TTC7A: variants seen among roughly 807,000 people sequenced by gnomAD.
TTC7A encodes tetratricopeptide repeat domain 7A.
A neutral mutation model predicts 103.7 loss-of-function variants in TTC7A; 110 were observed. The ratio of observed to expected loss-of-function variants is 1.06; its 90% CI spans 0.91 to 1.24. TTC7A has a LOEUF of 1.24. Ranked by LOEUF, TTC7A falls within the 50% of genes most tolerant of loss-of-function variation. The probability of loss-of-function intolerance (pLI) is 0.00; values close to 1 mark genes in which losing one functional copy is unlikely to be tolerated. For synonymous variants in TTC7A, 521 were observed against 467.9 expected (o/e 1.11, Z -1.47); for missense variants, 1,340 against 1,116.3 (o/e 1.20, Z -2.86).
chr2:47,074,239 T>G lies in TTC7A; in HGVS notation c.*316T>G. ...TGTCCTTCACCCTCACCCATGCCTC[T>G]GGCTTGGAGTCTGGGTGGGGGGTTC... On this transcript the variant is annotated 3_prime_UTR_variant, in exon 20 of 20. Transcript: ENST00000319190. 1 of 411,688 alleles carries G rather than the reference T, an allele frequency of 2.4e-6. No homozygotes were observed. The allele number at this position is 411,688 out of a possible 1,614,324, so 25.5% of individuals were successfully genotyped here.
intron 5 of TTC7A, among the ~76,000 whole-genome samples, chr2:46,988,869 T>C (rs928845355): frequency 6.6e-6 from 1 of 152,204 alleles, no homozygotes; most frequent in African/African-American, 2.4e-5. Flanking sequence ...CTCTCCCTTT[T>C]GGTAAGTGAC....
chr2:47,030,071 G>A (rs1184477976), intron 15 of TTC7A, among the ~76,000 whole-genome samples: 1 of 152,228 alleles, frequency 6.6e-6, no homozygotes, highest in African/African-American at 2.4e-5. Flanking sequence ...AAGGGCAGGT[G>A]ACACTGAGTG....
intron 5 of TTC7A, among the ~76,000 whole-genome samples, chr2:46,992,559 G>A (rs1675740780): frequency 6.6e-6 from 1 of 152,236 alleles, no homozygotes; most frequent in Admixed American, 6.5e-5. Context: ...GTGAGGGGCA[G>A]GCCCCACAGC....
intron 2 of TTC7A, among the ~76,000 whole-genome samples, chr2:46,927,897 T>G (rs913579176): frequency 7.6e-6 from 1 of 131,286 alleles, no homozygotes; most frequent in African/African-American, 2.9e-5. Context: ...TTTTTTTTTT[T>G]TTTTTTTTTT....
intron 1 of TTC7A, among the ~76,000 whole-genome samples, chr2:46,949,535 C>A (rs1205697335): frequency 1.3e-5 from 2 of 152,138 alleles, no homozygotes; most frequent in Non-Finnish European, 2.9e-5. Flanking sequence ...GCTCACTAAA[C>A]CAAGCAGTAT....
At chr2:46,985,036 T>G (rs1018884453) in intron 5 of TTC7A, among the ~76,000 whole-genome samples, 4 of 152,152 alleles carry the variant, frequency 2.6e-5, no homozygotes, top group Admixed American at 2.6e-4. Flanking sequence ...TAGAGCCTGC[T>G]TCCCCCTGTC....
chr2:47,023,584 G>A (rs1679530453), intron 13 of TTC7A, 119 bp downstream of exon 13: 2 of 1,110,862 alleles, frequency 1.8e-6, no homozygotes, highest in South Asian at 2.7e-5. Flanking sequence ...CCATTTTACA[G>A]ATGAGGGAAC....
rs1677561496 is a variant in TTC7A at position 47,007,643 on chromosome 2, C to T, written c.1287+919C>T. 6.6e-6 allele frequency among the ~76,000 whole-genome samples: 1 copy of T among 152,162 alleles called. No homozygotes were observed. Among genetic ancestry groups the T allele is most frequent in the South Asian group, 2.1e-4 (1 of 4,832 alleles). On this transcript the variant is annotated intron_variant, in intron 10 of 19. Coordinates refer to ENST00000319190, the MANE Select transcript of TTC7A (RefSeq NM_020458.4). The surrounding 1 kb of genome is among the most constrained non-coding windows in gnomAD (Gnocchi z 4.9). ...CCTCCACGCATCAAGGGCGTGCCAG[C>T]CAGCTCGGGGCCTCGGCAGCCGAGG...
Position 47,034,885 on chromosome 2 carries a change from G to A in TTC7A, c.1802+5501G>A, listed in dbSNP as rs116745604. 5.0e-3 allele frequency among the ~76,000 whole-genome samples: 761 copies of A among 152,266 alleles called. 4 individuals are homozygous for A. Among genetic ancestry groups the A allele is most frequent in the Non-Finnish European group, 8.1e-3 (552 of 68,014 alleles). Reference sequence around the variant, plus strand: ...CCTCCCCAGTACAGGAATAATATGGGCTTCCCGACAAGCCAGAGCACGTGC... The same window carrying A: ...CCTCCCCAGTACAGGAATAATATGGACTTCCCGACAAGCCAGAGCACGTGC... On this transcript the variant is annotated intron_variant, in intron 15 of 19. Coordinates refer to ENST00000319190, the MANE Select transcript of TTC7A (RefSeq NM_020458.4).
intron 15 of TTC7A, among the ~76,000 whole-genome samples, chr2:47,045,752 G>A (rs1323303831): frequency 6.6e-6 from 1 of 152,214 alleles, no homozygotes; most frequent in African/African-American, 2.4e-5. Context: ...CACTTAGGAG[G>A]CGTTGCTTGG....
chr2:47,055,637 T>G (rs1288271945), intron 18 of TTC7A, among the ~76,000 whole-genome samples: 5 of 152,138 alleles, frequency 3.3e-5, no homozygotes, highest in Non-Finnish European at 7.4e-5. Flanking sequence ...AGGAGACGCA[T>G]GTAGGGAGAG....
intron 2 of TTC7A, among the ~76,000 whole-genome samples, chr2:46,922,412 A>T (rs1278954240): frequency 2.0e-5 from 3 of 152,094 alleles, no homozygotes; most frequent in Non-Finnish European, 4.4e-5. Context: ...GTTTGCTTCT[A>T]TCTGCCTGCT....
At chr2:46,963,249 T>G (rs1203884686) in intron 3 of TTC7A, among the ~76,000 whole-genome samples, 1 of 152,240 alleles carries the variant, frequency 6.6e-6, no homozygotes, top group East Asian at 1.9e-4. Flanking sequence ...CTGACTTCAC[T>G]CTCAGCTGTC....
chr2:47,025,321 C>T (rs1030866907), intron 14 of TTC7A, among the ~76,000 whole-genome samples: 1 of 152,144 alleles, frequency 6.6e-6, no homozygotes, highest in Non-Finnish European at 1.5e-5. Flanking sequence ...CCACTGAGGC[C>T]GAGCCAGCAT....
At chr2:46,989,616 A>ATT (rs59228878) in intron 5 of TTC7A, among the ~76,000 whole-genome samples, 3 of 134,422 alleles carry the variant, frequency 2.2e-5, no homozygotes, top group Admixed American at 7.4e-5. Flanking sequence ...GGACCTCTCT[A>ATT]TTTTTTTTTT....
chr2:46,968,345 C>T (rs1209705306), intron 3 of TTC7A, among the ~76,000 whole-genome samples: 1 of 152,222 alleles, frequency 6.6e-6, no homozygotes, highest in Non-Finnish European at 1.5e-5. Flanking sequence ...CCCTCCGATG[C>T]CTCAAGGACT....
In TTC7A at chr2:47,073,841, C is replaced by T. The variant is rs755985958; in HGVS notation, c.2495C>T (p.Ala832Val). 10 of 1,613,786 alleles carry T rather than the reference C, an allele frequency of 6.2e-6. No homozygotes were observed. The highest frequency in any genetic ancestry group is 6.8e-6 in the Non-Finnish European group (8 of 1,180,026). Residue 832 changes from alanine (A) to valine (V), a missense_variant, in exon 20 of 20, where the codon GCC (alanine) becomes GTC (valine). Physicochemically the swap from Ala to Val is moderately conservative, Grantham distance 64. Transcript: ENST00000319190. The stretch of plus-strand genomic sequence containing the variant: ...CAGGCCCAGGGCCAGAACGAGGCTG[C>T]CGTTGACTGCTTCCTCACCGCCCTT... ...VLQAQGQNEA[A>V]VDCFLTALEL...
Position 46,956,865 on chromosome 2 carries a change from G to C in TTC7A, c.375G>C (p.Leu125=), listed in dbSNP as rs750530537. ...LSPQYMCEAM[L]ILGKLHYVEG... ...CACAGTACATGTGTGAGGCCATGCT[G>C]ATCCTGGGCAAACTGCATTACGTGG... The change falls in exon 3 of 20, where the codon CTG becomes CTC. Residue 125 remains leucine (L), a synonymous_variant. Transcript: ENST00000319190. The C allele has an allele frequency of 3.7e-6, 6 of 1,614,216 alleles. No homozygotes were observed. In the Admixed American group the frequency reaches 1.0e-4, roughly 27 times the overall value.
At chr2:47,023,570 A>G (rs953201294) in intron 13 of TTC7A, 105 bp downstream of exon 13, 3 of 1,233,784 alleles carry the variant, frequency 2.4e-6, no homozygotes, top group Admixed American at 1.9e-5. Flanking sequence ...AAACATTTCT[A>G]TCTCCATTTT....
Sources: allele counts gnomAD v4.1 joint callset (sites outside exome capture counted in the v4.1 genomes callset), GRCh38; gene constraint gnomAD v4.1.1; non-coding constraint Gnocchi (gnomAD v3.1); transcripts MANE v1.5; gene names NCBI Gene and HGNC (gene_info 2026-07-23, HGNC 2026-07-21).